Variants in MLLT3 observed in about 807,000 individuals in gnomAD.
The protein encoded by MLLT3 is MLLT3 super elongation complex subunit.
MLLT3 carries 4 observed loss-of-function variants against 53.2 expected under a neutral mutation model. The ratio of observed to expected loss-of-function variants is 0.08; its 90% CI spans 0.04 to 0.17. The LOEUF is 0.17. Among genes scored for constraint, MLLT3 ranks in the 10% least tolerant of loss-of-function variants. The pLI, the probability that MLLT3 is intolerant of heterozygous loss-of-function variation, is 1.00. For missense variants in MLLT3, 569 were observed against 684.0 expected (o/e 0.83, Z 1.87); for synonymous variants, 283 against 230.6 (o/e 1.23, Z -2.06).
chr9:20,516,212 T>A (rs1817914170), intron 2 of MLLT3, among the ~76,000 whole-genome samples: 1 of 152,248 alleles, frequency 6.6e-6, no homozygotes, highest in East Asian at 1.9e-4. Context: ...CCCCATCACA[T>A]AAGCTTGGAA....
At chr9:20,412,108 T>C (rs1048712317) in intron 5 of MLLT3, 27 of 152,190 alleles carry the variant, frequency 1.8e-4, no homozygotes, top group African/African-American at 6.5e-4. Flanking sequence ...CTAGAAGAAT[T>C]GCAATGTGTT....
chr9:20,459,636 C>A (rs1253284196), intron 2 of MLLT3, among the ~76,000 whole-genome samples: 1 of 152,160 alleles, frequency 6.6e-6, no homozygotes, highest in African/African-American at 2.4e-5. Context: ...TAGTATAATT[C>A]ATTTTCTCTA....
intron 2 of MLLT3, among the ~76,000 whole-genome samples, chr9:20,474,169 T>C (rs1824464292): frequency 6.6e-6 from 1 of 152,104 alleles, no homozygotes; most frequent in Non-Finnish European, 1.5e-5. Context: ...ACCATTTCTA[T>C]AACACTCTAA....
intron 2 of MLLT3, among the ~76,000 whole-genome samples, chr9:20,490,393 T>C (rs949442984): frequency 2.6e-5 from 4 of 152,212 alleles, no homozygotes; most frequent in African/African-American, 7.2e-5. Context: ...TGAGAAGAAT[T>C]TGTCACGCCA....
At chr9:20,360,892 G>A in intron 7 of MLLT3, 51 bp from the exon 8 acceptor site, 1 of 1,482,350 alleles carries the variant, frequency 6.7e-7, no homozygotes, top group Admixed American at 1.7e-5. Context: ...GATGATTCTT[G>A]AAATACCCAT....
chr9:20,457,249 T>C (rs1226739739), intron 2 of MLLT3, among the ~76,000 whole-genome samples: 2 of 142,016 alleles, frequency 1.4e-5, no homozygotes. Flanking sequence ...TTTTTTTTTT[T>C]TTTTTTTTTT....
chr9:20,613,183 A>G (rs1820742702), intron 2 of MLLT3, among the ~76,000 whole-genome samples: 1 of 152,228 alleles, frequency 6.6e-6, no homozygotes, highest in Non-Finnish European at 1.5e-5. Flanking sequence ...AAATGTATTC[A>G]CTCATAAAAA....
Position 20,355,676 on chromosome 9 carries a change from A to G in MLLT3, c.1432-797T>C, listed in dbSNP as rs574279723. ...TCACTTGAAAAAGCTTGAAACCACT[A>G]AATTTATAAATGATGAGTGCTTACA... On this transcript the variant is annotated intron_variant, in intron 8 of 10. Transcript: ENST00000380338. Among the ~76,000 whole-genome samples, 12 of 152,378 alleles carry G rather than the reference A, an allele frequency of 7.9e-5. No homozygotes were observed. In the South Asian group the frequency reaches 1.4e-3, roughly 18 times the overall value.
At chr9:20,555,355 C>A (rs1319171615) in intron 2 of MLLT3, among the ~76,000 whole-genome samples, 1 of 152,040 alleles carries the variant, frequency 6.6e-6, no homozygotes, top group East Asian at 1.9e-4. Flanking sequence ...AGCGTCTCAC[C>A]ATGTTGCCCA....
At chr9:20,547,114 A>G (rs945083907) in intron 2 of MLLT3, among the ~76,000 whole-genome samples, 2 of 152,198 alleles carry the variant, frequency 1.3e-5, no homozygotes, top group Non-Finnish European at 2.9e-5. Flanking sequence ...TGACATTAAC[A>G]TAATATTTTA....
At chr9:20,608,320 C>T (rs1013641724) in intron 2 of MLLT3, among the ~76,000 whole-genome samples, 3 of 151,794 alleles carry the variant, frequency 2.0e-5, no homozygotes, top group Non-Finnish European at 4.4e-5. Flanking sequence ...ATTTTTAACA[C>T]TACACAGCAA....
intron 5 of MLLT3, 102 bp from the exon 6 acceptor site, chr9:20,365,846 G>A (rs555356545): frequency 1.3e-4 from 148 of 1,116,400 alleles, no homozygotes; most frequent in South Asian, 2.7e-4. Flanking sequence ...TGCAAAAACC[G>A]TGATGCATTT....
rs1821003889 is a variant in MLLT3, at chr9:20,621,397, C to T, written c.13-563G>A. ...GCTGATGGGCACAAACTCCCGTGCT[C>T]TTGCCACGGGGTTCGTGCACAACAA... On this transcript the variant is annotated intron_variant, in intron 1 of 10. Transcript: ENST00000380338. This position sits in a 1 kb window ranked among gnomAD's most constrained non-coding sequence, Gnocchi z 7.0. Among the ~76,000 whole-genome samples, 1 of 152,124 alleles carries T rather than the reference C, an allele frequency of 6.6e-6. No individual in the cohort carries two copies. The highest frequency in any genetic ancestry group is 1.5e-5 in the Non-Finnish European group (1 of 68,012).
chr9:20,413,798 A>G lies in MLLT3; in HGVS notation c.1048T>C (p.Ser350Pro), dbSNP rs763436029. The change falls in exon 5 of 11, where the codon TCA (serine) becomes CCA (proline). Residue 350 changes from serine (S) to proline (P), a missense_variant. Coordinates refer to ENST00000380338, the MANE Select transcript of MLLT3 (RefSeq NM_004529.4). ...ATATCATCAAATGGCGGTAACGTTGATTTCTTCTTCTCTGATGTCTCACTT... is the reference window on the plus strand; with the variant it reads ...ATATCATCAAATGGCGGTAACGTTGGTTTCTTCTTCTCTGATGTCTCACTT... ...IESETSEKKK[S>P]TLPPFDDIVD... 1 of 1,613,858 alleles carries G rather than the reference A, an allele frequency of 6.2e-7. No individual in the cohort carries two copies. The highest frequency in any genetic ancestry group is 8.5e-7 in the Non-Finnish European group (1 of 1,179,940).
chr9:20,597,883 A>C (rs1019728118), intron 2 of MLLT3, among the ~76,000 whole-genome samples: 1 of 152,218 alleles, frequency 6.6e-6, no homozygotes, highest in Non-Finnish European at 1.5e-5. Flanking sequence ...TTTTTTCCAA[A>C]TAGTTCTTTA....
chr9:20,351,581 C>A (rs1406735640), intron 10 of MLLT3, among the ~76,000 whole-genome samples: 2 of 152,174 alleles, frequency 1.3e-5, no homozygotes, highest in African/African-American at 4.8e-5. Context: ...GGACTGCATG[C>A]CCCCAGAGGA....
At chr9:20,381,470 T>C (rs1821906704) in intron 5 of MLLT3, among the ~76,000 whole-genome samples, 1 of 151,926 alleles carries the variant, frequency 6.6e-6, no homozygotes, top group African/African-American at 2.4e-5. Context: ...CACCTAACTC[T>C]GAACAAATGC....
intron 2 of MLLT3, among the ~76,000 whole-genome samples, chr9:20,610,571 G>A (rs761403161): frequency 6.6e-6 from 1 of 152,022 alleles, no homozygotes; most frequent in Non-Finnish European, 1.5e-5. Flanking sequence ...TTTCTGACTT[G>A]CAATACCTGC....
At chr9:20,517,212 T>C (rs537386902) in intron 2 of MLLT3, among the ~76,000 whole-genome samples, 1 of 152,230 alleles carries the variant, frequency 6.6e-6, no homozygotes, top group South Asian at 2.1e-4. Flanking sequence ...GGAAAAGCTA[T>C]ATTGAGATTT....
Sources: gnomAD v4.1 joint callset for allele counts (sites outside exome capture counted in the v4.1 genomes callset) on GRCh38, gnomAD v4.1.1 for gene constraint, Gnocchi (gnomAD v3.1) non-coding constraint, MANE v1.5 for transcripts, NCBI Gene and HGNC (gene_info 2026-07-23, HGNC 2026-07-21) for gene names.